PDE7A: variants seen among roughly 807,000 people sequenced by gnomAD.
PDE7A encodes high affinity 3',5'-cyclic-AMP phosphodiesterase 7A.
Under a neutral mutation model 64.3 loss-of-function variants are expected in PDE7A, and 39 were observed. The observed-to-expected ratio is 0.61, with a 90% confidence interval of 0.47 to 0.79. The LOEUF (loss-of-function observed/expected upper bound fraction) is 0.79. Ranked by LOEUF, PDE7A falls within the 30% of genes least tolerant of loss-of-function variation. The probability of loss-of-function intolerance (pLI) is 0.00; values close to 1 mark genes in which losing one functional copy is unlikely to be tolerated. For missense variants in PDE7A, 470 were observed against 582.8 expected (o/e 0.81, Z 1.99); for synonymous variants, 203 against 206.8 (o/e 0.98, Z 0.16).
chr8:65,726,185 C>T (rs551974477), intron 9 of PDE7A, among the ~76,000 whole-genome samples: 5 of 152,172 alleles, frequency 3.3e-5, no homozygotes, highest in African/African-American at 9.7e-5. Context: ...GGTTTGCTGA[C>T]GTGCATTTTC....
chr8:65,763,040 T>C (rs1808592103), intron 3 of PDE7A, among the ~76,000 whole-genome samples: 1 of 146,952 alleles, frequency 6.8e-6, no homozygotes, highest in Non-Finnish European at 1.5e-5. Flanking sequence ...TGTGTGTGTA[T>C]AAAATGAATA....
At chr8:65,720,344 A>G (rs1429626464) in intron 12 of PDE7A, 1 of 154,192 alleles carries the variant, frequency 6.5e-6, no homozygotes, top group Non-Finnish European at 1.5e-5. Flanking sequence ...TGATCTGTTA[A>G]GAATGGGGAA....
At chr8:65,838,656 C>T (rs1811006940) in intron 1 of PDE7A, 1 of 152,222 alleles carries the variant, frequency 6.6e-6, no homozygotes, top group Admixed American at 6.5e-5. Flanking sequence ...ATTATTCTGA[C>T]TAAAAATTAT....
At chr8:65,723,249 C>T in intron 12 of PDE7A, 1 of 182,532 alleles carries the variant, frequency 5.5e-6, no homozygotes, top group South Asian at 1.9e-4. Context: ...AATGGCAGTC[C>T]CAAATGATGC....
At chr8:65,724,754 A>G in intron 10 of PDE7A, 23 bp downstream of exon 10, 1 of 1,578,866 alleles carries the variant, frequency 6.3e-7, no homozygotes, top group Non-Finnish European at 8.6e-7. Flanking sequence ...CTAGAAATAG[A>G]ATGTTTCCAA....
chr8:65,740,182 G>A (rs1199353614), intron 5 of PDE7A, among the ~76,000 whole-genome samples: 1 of 147,786 alleles, frequency 6.8e-6, no homozygotes, highest in African/African-American at 2.5e-5. Flanking sequence ...GGGGTGGGGA[G>A]GGGGAATCAC....
chr8:65,731,852 C>G (rs565035886), intron 7 of PDE7A, among the ~76,000 whole-genome samples: 1 of 152,152 alleles, frequency 6.6e-6, no homozygotes, highest in Non-Finnish European at 1.5e-5. Flanking sequence ...ACTATTCCCT[C>G]TGTACTTGGA....
In PDE7A at chr8:65,758,677, G is replaced by A. The variant is rs117800427; in HGVS notation, c.284-10874C>T. ...ATCTTTCAAACTATACTCTGAAGAG[G>A]TTATCTCTCTGCCCAGTGCTGGACA... is the stretch of plus-strand genomic sequence containing the variant. On this transcript the variant is annotated intron_variant, in intron 3 of 12. Transcript: ENST00000401827. Among the ~76,000 whole-genome samples, 769 of 152,256 alleles carry A rather than the reference G, an allele frequency of 5.1e-3. 4 individuals carry two copies. Among genetic ancestry groups the A allele is most frequent in the Non-Finnish European group, 7.5e-3 (513 of 68,024 alleles).
chr8:65,736,838 G>C (rs551332338), intron 6 of PDE7A, among the ~76,000 whole-genome samples: 5 of 140,860 alleles, frequency 3.5e-5, no homozygotes, highest in African/African-American at 1.1e-4. Flanking sequence ...TCTGAAGTCT[G>C]AGTTAATATT....
chr8:65,833,619 T>C (rs1022608246), intron 1 of PDE7A, among the ~76,000 whole-genome samples: 5 of 152,118 alleles, frequency 3.3e-5, no homozygotes, highest in African/African-American at 1.2e-4. Flanking sequence ...TATTCTTTGG[T>C]AAAAATGAGA....
At chr8:65,742,117 A>T (rs773141048) in intron 5 of PDE7A, among the ~76,000 whole-genome samples, 57 of 152,264 alleles carry the variant, frequency 3.7e-4, no homozygotes, top group Non-Finnish European at 7.1e-4. Context: ...GGCACAGAAG[A>T]ACTTTTTAAA....
intron 8 of PDE7A, 66 bp from the exon 9 acceptor site, chr8:65,727,032 A>G: frequency 2.0e-6 from 2 of 1,013,962 alleles, no homozygotes; most frequent in East Asian, 2.4e-5. Flanking sequence ...CATTACTAAC[A>G]ATACTGTTAG....
At chr8:65,818,185 T>G (rs1394005535) in intron 1 of PDE7A, among the ~76,000 whole-genome samples, 1 of 152,210 alleles carries the variant, frequency 6.6e-6, no homozygotes, top group East Asian at 1.9e-4. Context: ...CTAAATCCAG[T>G]ATTTAGGGAC....
At chr8:65,838,451 C>CA in intron 1 of PDE7A, 1 of 152,222 alleles carries the variant, frequency 6.6e-6, no homozygotes, top group South Asian at 2.1e-4. Flanking sequence ...TAGTTTAAAA[C>CA]AAAAAATTAA....
At chr8:65,752,705 G>T (rs1808023888) in intron 3 of PDE7A, among the ~76,000 whole-genome samples, 1 of 152,096 alleles carries the variant, frequency 6.6e-6, no homozygotes, top group Admixed American at 6.6e-5. Context: ...TTCCTGGAAA[G>T]TTTTCTTGAA....
chr8:65,805,048 T>TTGA (rs534556744), intron 1 of PDE7A, among the ~76,000 whole-genome samples: 112 of 151,910 alleles, frequency 7.4e-4, no homozygotes, highest in African/African-American at 2.2e-3. Context: ...CTCCCTATAT[T>TTGA]GCCCAGGCTG....
rs779777390 is a variant in PDE7A, at chr8:65,736,789, T to TG, written c.596-1896dup. 8.3e-3 allele frequency among the ~76,000 whole-genome samples: 726 copies of TG among 87,618 alleles called. 2 individuals are homozygous for TG. Among genetic ancestry groups the TG allele is most frequent in the Non-Finnish European group, 0.015 (494 of 33,398 alleles). 57.5% of individuals were successfully genotyped at this position (87,618 alleles called of 152,430 possible). A position where few individuals can be genotyped will look rare whatever the true frequency, so the allele number is the denominator to read the frequency against. Reference sequence around the variant, plus strand: ...AAAAGCCCTATGTAATAAATTTATCTGTTTTTTTTTTTTTTTTTGCCAGAG... The same window carrying TG: ...AAAAGCCCTATGTAATAAATTTATCTGGTTTTTTTTTTTTTTTTTGCCAGAG... On this transcript the variant is annotated intron_variant, in intron 6 of 12. Coordinates refer to ENST00000401827, the MANE Select transcript of PDE7A (RefSeq NM_001242318.3).
Position 65,715,464 on chromosome 8 carries a change from G to A in PDE7A, c.*3826C>T, listed in dbSNP as rs1041409308. Among the ~76,000 whole-genome samples, 23 of 150,264 alleles carry A rather than the reference G, an allele frequency of 1.5e-4. No homozygotes were observed. The highest frequency in any genetic ancestry group is 2.1e-4 in the South Asian group (1 of 4,724). On this transcript the variant is annotated 3_prime_UTR_variant, in exon 13 of 13. Coordinates refer to ENST00000401827, the MANE Select transcript of PDE7A (RefSeq NM_001242318.3). Reference sequence around the variant, plus strand: ...ACAATCTCTGCTCCTTGCAACCTCCGCCACCTGGGTTCAAGCAATTCTTCC... The same window carrying A: ...ACAATCTCTGCTCCTTGCAACCTCCACCACCTGGGTTCAAGCAATTCTTCC...
chr8:65,746,841 C>T (rs1807697041), intron 4 of PDE7A, among the ~76,000 whole-genome samples: 1 of 152,170 alleles, frequency 6.6e-6, no homozygotes, highest in Non-Finnish European at 1.5e-5. Context: ...TAATTTTCTT[C>T]ACTTTCATGT....
Sources: allele counts gnomAD v4.1 joint callset (sites outside exome capture counted in the v4.1 genomes callset), GRCh38; gene constraint gnomAD v4.1.1; transcripts MANE v1.5; gene names NCBI Gene and HGNC (gene_info 2026-07-23, HGNC 2026-07-21).